The following ASNS variants were observed in gnomAD, a reference collection of about 807,000 sequenced individuals.
The protein encoded by ASNS is asparagine synthetase [glutamine-hydrolyzing].
ASNS carries 37 observed loss-of-function variants against 62.6 expected under a neutral mutation model. That is an observed-to-expected ratio of 0.59 (90% CI 0.45 to 0.78). The LOEUF (loss-of-function observed/expected upper bound fraction) is 0.78, where lower values mean the gene tolerates loss of function less well. Among genes scored for constraint, ASNS ranks in the 30% least tolerant of loss-of-function variants. The probability of loss-of-function intolerance (pLI) is 0.00; values close to 1 mark genes in which losing one functional copy is unlikely to be tolerated. For synonymous variants in ASNS, 207 were observed against 237.9 expected, an observed-to-expected ratio of 0.87 and a Z score of 1.19; for missense variants, 520 against 682.4, an observed-to-expected ratio of 0.76 and a Z score of 2.65.
the ASNS span, among the ~76,000 whole-genome samples, chr7:97,919,460 G>C: frequency 9.1e-4 from 139 of 152,298 alleles, 1 homozygote; most frequent in East Asian, 0.015. Flanking sequence ...AGAGTCCAAG[G>C]CAGGAAAGGC....
At chr7:97,903,542 G>C in the ASNS span, among the ~76,000 whole-genome samples, 2 of 152,130 alleles carry the variant, frequency 1.3e-5, no homozygotes, top group Admixed American at 6.6e-5. Flanking sequence ...TTCACTCCAG[G>C]GAGGTACCTA....
the ASNS span, among the ~76,000 whole-genome samples, chr7:97,910,422 A>T: frequency 6.6e-6 from 1 of 152,204 alleles, no homozygotes; most frequent in South Asian, 2.1e-4. Context: ...TACAATACTT[A>T]GAATAACCTG....
At chr7:97,913,787 G>T in the ASNS span, among the ~76,000 whole-genome samples, 1 of 150,488 alleles carries the variant, frequency 6.6e-6, no homozygotes, top group African/African-American at 2.4e-5. Context: ...TGGAATAAAT[G>T]AACAGAAGGA....
At chr7:97,924,384 G>A in the ASNS span, among the ~76,000 whole-genome samples, 6 of 152,196 alleles carry the variant, frequency 3.9e-5, no homozygotes, top group East Asian at 5.8e-4. Context: ...AGAGCGCCAC[G>A]GCAGACACAC....
the ASNS span, among the ~76,000 whole-genome samples, chr7:97,886,653 CA>C: frequency 1.8e-4 from 26 of 145,106 alleles, no homozygotes; most frequent in East Asian, 2.0e-4. Flanking sequence ...TAGTTAAAAA[CA>C]AAAAAAAAAG....
At chr7:97,861,771 C>A (rs796598759) in intron 4 of ASNS, among the ~76,000 whole-genome samples, 2 of 152,318 alleles carry the variant, frequency 1.3e-5, no homozygotes, top group South Asian at 4.1e-4. Flanking sequence ...GCCATCTTAA[C>A]AATGTTAAGC....
chr7:97,857,345 C>A (rs1429214528), intron 7 of ASNS, among the ~76,000 whole-genome samples: 1 of 152,110 alleles, frequency 6.6e-6, no homozygotes, highest in Admixed American at 6.6e-5. Context: ...CTAGGTCTCC[C>A]GCTCACTGAA....
At chr7:97,928,004 C>T in the ASNS span, 1 of 825,766 alleles carries the variant, frequency 1.2e-6, no homozygotes, top group Non-Finnish European at 1.9e-6. Flanking sequence ...GCCACGGAGC[C>T]TCCCGCCGCC....
At chr7:97,878,855 G>C in the ASNS span, among the ~76,000 whole-genome samples, 2 of 151,622 alleles carry the variant, frequency 1.3e-5, no homozygotes, top group African/African-American at 2.4e-5. Flanking sequence ...TAAGCCAAAA[G>C]AACAAAGCTG....
the ASNS span, among the ~76,000 whole-genome samples, chr7:97,922,312 G>A: frequency 1.4e-3 from 209 of 152,082 alleles, no homozygotes; most frequent in African/African-American, 4.7e-3. Context: ...GCTGCAGTGA[G>A]CAAAGATCAC....
chr7:97,852,782 C>CCT (rs376789951), intron 12 of ASNS, among the ~76,000 whole-genome samples: 2 of 152,022 alleles, frequency 1.3e-5, no homozygotes, highest in Admixed American at 6.6e-5. Context: ...TAGTAAGTCT[C>CCT]CTCTCTCTCT....
the ASNS span, among the ~76,000 whole-genome samples, chr7:97,922,982 G>A: frequency 6.8e-6 from 1 of 146,078 alleles, no homozygotes; most frequent in Non-Finnish European, 1.5e-5. Flanking sequence ...AGTAGAGACA[G>A]TTCCGCCATG....
At chr7:97,867,446 T>A (rs556310796) in intron 3 of ASNS, among the ~76,000 whole-genome samples, 2 of 152,316 alleles carry the variant, frequency 1.3e-5, no homozygotes, top group East Asian at 3.9e-4. Flanking sequence ...TTTACAAATA[T>A]AACATTTGGC....
the ASNS span, among the ~76,000 whole-genome samples, chr7:97,922,050 C>T: frequency 1.3e-5 from 2 of 152,166 alleles, no homozygotes; most frequent in Non-Finnish European, 1.5e-5. Flanking sequence ...CACATGATCT[C>T]ACTTATATGT....
chr7:97,866,031 T>C (rs1300007573), intron 3 of ASNS, among the ~76,000 whole-genome samples: 1 of 152,184 alleles, frequency 6.6e-6, no homozygotes, highest in Non-Finnish European at 1.5e-5. Context: ...TTTTGGAGCA[T>C]TTCAAATTTC....
At chr7:97,900,278 C>G in the ASNS span, among the ~76,000 whole-genome samples, 1 of 133,264 alleles carries the variant, frequency 7.5e-6, no homozygotes, top group South Asian at 2.6e-4. Flanking sequence ...AGGAGAGTAA[C>G]TTGAATCTGG....
the ASNS span, among the ~76,000 whole-genome samples, chr7:97,917,637 C>T: frequency 6.6e-6 from 1 of 152,260 alleles, no homozygotes; most frequent in Non-Finnish European, 1.5e-5. Flanking sequence ...GCCACTGGCT[C>T]AGGACCTATT....
At chr7:97,860,900 A>C (rs1431122326) in intron 4 of ASNS, among the ~76,000 whole-genome samples, 1 of 151,910 alleles carries the variant, frequency 6.6e-6, no homozygotes, top group Non-Finnish European at 1.5e-5. Context: ...TGCTGGTCTC[A>C]TATTTAAGAA....
chr7:97,859,183 A>T (rs1355012139), intron 5 of ASNS, 30 bp downstream of exon 5: 5 of 1,572,784 alleles, frequency 3.2e-6, no homozygotes, highest in Non-Finnish European at 4.3e-6. Flanking sequence ...TTGGAGAAGG[A>T]TGGGGAATAG....
Sources: allele counts gnomAD v4.1 joint callset (sites outside exome capture counted in the v4.1 genomes callset), GRCh38; gene constraint gnomAD v4.1.1; transcripts MANE v1.5; gene names NCBI Gene and HGNC (gene_info 2026-07-23, HGNC 2026-07-21).